The following PPM1H variants were observed in gnomAD, a reference collection of about 807,000 sequenced individuals.
The protein encoded by PPM1H is protein phosphatase 1H.
In PPM1H, 27 loss-of-function variants were observed where a neutral mutation model predicts 54.9. The observed-to-expected ratio is 0.49, with a 90% confidence interval of 0.36 to 0.68. The LOEUF (loss-of-function observed/expected upper bound fraction) is 0.68. PPM1H is among the 30% of genes least tolerant of loss of function. The pLI is 0.00. For missense variants in PPM1H, 596 were observed against 667.8 expected, an observed-to-expected ratio of 0.89 and a Z score of 1.19; for synonymous variants, 305 against 270.8, an observed-to-expected ratio of 1.13 and a Z score of -1.24.
intron 2 of PPM1H, among the ~76,000 whole-genome samples, chr12:62,828,706 C>G (rs186097747): frequency 6.6e-6 from 1 of 152,284 alleles, no homozygotes; most frequent in African/African-American, 2.4e-5. Flanking sequence ...TTATCTTCCT[C>G]ACTAGGTAAT....
chr12:62,755,688 C>G (rs1371913997), intron 4 of PPM1H: 4 of 671,154 alleles, frequency 6.0e-6, no homozygotes, highest in African/African-American at 1.8e-5. Flanking sequence ...GTATCACCAA[C>G]TGCTTAGTGC....
At position 62,646,671 on chromosome 12, in the gene PPM1H, A is replaced by C. The variant is rs2075787028; in HGVS notation, c.*1818T>G. 1 of 152,254 alleles carries C rather than the reference A, an allele frequency of 6.6e-6. No homozygotes were observed. Among genetic ancestry groups the C allele is most frequent in the Non-Finnish European group, 1.5e-5 (1 of 68,056 alleles). The allele number at this position is 152,254 out of a possible 1,614,324, so 9.4% of individuals were successfully genotyped here. A position where few individuals can be genotyped will look rare whatever the true frequency, so the allele number is the denominator to read the frequency against. On this transcript the variant is annotated 3_prime_UTR_variant, in exon 10 of 10. Transcript: ENST00000228705. ...GTGCTGCAGATGAAGACAACTCCTG[A>C]CAAGGCCGAAGTCCCATTCTTCCCA...
chr12:62,679,359 C>T (rs2076006109), intron 8 of PPM1H, among the ~76,000 whole-genome samples: 1 of 152,102 alleles, frequency 6.6e-6, no homozygotes, highest in African/African-American at 2.4e-5. Flanking sequence ...AGGCAAATCG[C>T]CCCCAAGGGT....
At chr12:62,737,361 G>T (rs1198101349) in intron 5 of PPM1H, 141 bp downstream of exon 5, 3 of 469,570 alleles carry the variant, frequency 6.4e-6, no homozygotes, top group African/African-American at 4.0e-5. Context: ...TGATCCAGAA[G>T]GTGTGTGTGG....
chr12:62,647,498 C>T lies in PPM1H; in HGVS notation c.*991G>A, dbSNP rs528529193. 6.6e-6 allele frequency: 1 copy of T among 152,190 alleles called. No individual in the cohort carries two copies. The highest frequency in any genetic ancestry group is 1.5e-5 in the Non-Finnish European group (1 of 68,070). The allele number at this position is 152,190 out of a possible 1,614,324, so 9.4% of individuals were successfully genotyped here. A position where few individuals can be genotyped will look rare whatever the true frequency, so the allele number is the denominator to read the frequency against. ...CAACAGATGCAAGCAACTTCTTAAACTGCTCTATTAAACACTGCTTTATAT... is the reference window on the plus strand; with the variant it reads ...CAACAGATGCAAGCAACTTCTTAAATTGCTCTATTAAACACTGCTTTATAT... On this transcript the variant is annotated 3_prime_UTR_variant, in exon 10 of 10. Coordinates refer to ENST00000228705, the MANE Select transcript of PPM1H (RefSeq NM_020700.2).
At chr12:62,809,424 C>G (rs1419194963) in intron 2 of PPM1H, among the ~76,000 whole-genome samples, 1 of 152,188 alleles carries the variant, frequency 6.6e-6, no homozygotes, top group Non-Finnish European at 1.5e-5. Flanking sequence ...ATGCCATCAA[C>G]TGCCGTAAGA....
intron 9 of PPM1H, among the ~76,000 whole-genome samples, chr12:62,653,489 A>G (rs1219050967): frequency 6.6e-6 from 1 of 152,192 alleles, no homozygotes; most frequent in African/African-American, 2.4e-5. Context: ...CAAAGAACCA[A>G]ATTGACCTCT....
chr12:62,821,011 C>T (rs2076900014), intron 2 of PPM1H, among the ~76,000 whole-genome samples: 1 of 152,086 alleles, frequency 6.6e-6, no homozygotes, highest in African/African-American at 2.4e-5. Flanking sequence ...TGCAAAGAAG[C>T]TAAAAACCTT....
At chr12:62,855,970 C>T (rs908306098) in intron 1 of PPM1H, among the ~76,000 whole-genome samples, 1 of 152,190 alleles carries the variant, frequency 6.6e-6, no homozygotes, top group Non-Finnish European at 1.5e-5. Context: ...TTATCCACTA[C>T]TATTTAAGGC....
chr12:62,658,049 C>T (rs1231295296), intron 9 of PPM1H, among the ~76,000 whole-genome samples: 1 of 101,258 alleles, frequency 9.9e-6, no homozygotes, highest in African/African-American at 4.2e-5. Context: ...TCATTAAATC[C>T]AGGTTACAAA....
chr12:62,906,364 A>G (rs1871302030), intron 1 of PPM1H, among the ~76,000 whole-genome samples: 1 of 152,224 alleles, frequency 6.6e-6, no homozygotes, highest in Non-Finnish European at 1.5e-5. Flanking sequence ...TTTCATAATC[A>G]CTGGATCTTT....
chr12:62,652,596 A>T (rs2075822335), intron 9 of PPM1H, among the ~76,000 whole-genome samples: 1 of 152,074 alleles, frequency 6.6e-6, no homozygotes, highest in Non-Finnish European at 1.5e-5. Context: ...TGTCAGGTGG[A>T]TAGCTTTAAT....
intron 2 of PPM1H, among the ~76,000 whole-genome samples, chr12:62,817,152 T>TAAAAAAAAA (rs2076873724): frequency 1.3e-4 from 8 of 63,116 alleles, no homozygotes; most frequent in South Asian, 6.0e-4. Flanking sequence ...AAAAAAAAAC[T>TAAAAAAAAA]AAAAAAAAGA....
intron 8 of PPM1H, among the ~76,000 whole-genome samples, chr12:62,670,247 G>A (rs1281916207): frequency 6.6e-6 from 1 of 151,968 alleles, no homozygotes; most frequent in Non-Finnish European, 1.5e-5. Flanking sequence ...AAAGTACTGG[G>A]ATTACAGGCA....
At chr12:62,661,042 C>T (rs965199057) in intron 9 of PPM1H, among the ~76,000 whole-genome samples, 1 of 152,070 alleles carries the variant, frequency 6.6e-6, no homozygotes, top group Non-Finnish European at 1.5e-5. Context: ...GATCATGGGC[C>T]CCTGCTGACC....
intron 5 of PPM1H, among the ~76,000 whole-genome samples, chr12:62,727,850 G>A (rs1477688455): frequency 1.5e-4 from 22 of 151,638 alleles, no homozygotes; most frequent in Non-Finnish European, 3.2e-4. Context: ...TAGTAGAGAC[G>A]GGGTTTCACC....
intron 4 of PPM1H, among the ~76,000 whole-genome samples, chr12:62,749,983 A>G (rs2076432727): frequency 6.6e-6 from 1 of 151,870 alleles, no homozygotes; most frequent in African/African-American, 2.4e-5. Context: ...CACTCATGAA[A>G]CCCAGTGCGC....
chr12:62,833,349 T>C (rs748966651), intron 1 of PPM1H, among the ~76,000 whole-genome samples: 1 of 152,218 alleles, frequency 6.6e-6, no homozygotes, highest in Non-Finnish European at 1.5e-5. Flanking sequence ...TATTTTCAAA[T>C]GACTTTTTAA....
chr12:62,845,819 C>G (rs1592632103), intron 1 of PPM1H, among the ~76,000 whole-genome samples: 2 of 152,186 alleles, frequency 1.3e-5, no homozygotes, highest in South Asian at 4.1e-4. Context: ...GCACAACATG[C>G]AAGCTGCCCA....
Sources: allele counts gnomAD v4.1 joint callset (sites outside exome capture counted in the v4.1 genomes callset), GRCh38; gene constraint gnomAD v4.1.1; transcripts MANE v1.5; gene names NCBI Gene and HGNC (gene_info 2026-07-23, HGNC 2026-07-21).